MKLN1: variants seen among roughly 807,000 people sequenced by gnomAD.
MKLN1 encodes muskelin 1.
In MKLN1, 18 loss-of-function variants were observed where a neutral mutation model predicts 99.0. The observed-to-expected ratio is 0.18, with a 90% CI of 0.13 to 0.27. MKLN1 has a LOEUF of 0.27. Ranked by LOEUF, MKLN1 falls within the 10% of genes least tolerant of loss-of-function variation. The probability of loss-of-function intolerance (pLI) is 1.00; values close to 1 mark genes in which losing one functional copy is unlikely to be tolerated. For synonymous variants in MKLN1, 288 were observed against 293.2 expected (o/e 0.98, Z 0.18); for missense variants, 621 against 875.9 (o/e 0.71, Z 3.67).
intron 14 of MKLN1, among the ~76,000 whole-genome samples, chr7:131,465,459 A>G (rs1796631778): frequency 6.6e-6 from 1 of 152,192 alleles, no homozygotes; most frequent in Non-Finnish European, 1.5e-5. Flanking sequence ...TGAATTATGG[A>G]ATAATGTTTT....
chr7:131,307,594 T>C (rs1798486668), intron 3 of MKLN1, among the ~76,000 whole-genome samples: 2 of 152,030 alleles, frequency 1.3e-5, no homozygotes. Context: ...AGACATGGAG[T>C]CAAAGGAGAT....
At chr7:131,485,007 A>G (rs1233576554) in intron 17 of MKLN1, among the ~76,000 whole-genome samples, 1 of 152,106 alleles carries the variant, frequency 6.6e-6, no homozygotes, top group East Asian at 1.9e-4. Context: ...GCATATATGC[A>G]TAGGCCTAGA....
chr7:131,270,861 C>CTTT (rs59225684), intron 3 of MKLN1, among the ~76,000 whole-genome samples: 5 of 148,390 alleles, frequency 3.4e-5, no homozygotes, highest in African/African-American at 1.2e-4. Flanking sequence ...CTTGAATCAC[C>CTTT]TTTTTTTTTT....
intron 6 of MKLN1, among the ~76,000 whole-genome samples, chr7:131,407,893 T>G (rs572079782): frequency 6.6e-6 from 1 of 152,262 alleles, no homozygotes; most frequent in African/African-American, 2.4e-5. Context: ...GCTGTATTTC[T>G]CATTTTGTTC....
chr7:131,291,145 ATTTG>A (rs1798210514), intron 3 of MKLN1, among the ~76,000 whole-genome samples: 1 of 142,612 alleles, frequency 7.0e-6, no homozygotes, highest in African/African-American at 2.5e-5. Flanking sequence ...TTATTTATTT[ATTTG>A]AGACAGAGTC....
At chr7:131,365,053 C>A (rs1341504786) in intron 1 of MKLN1, among the ~76,000 whole-genome samples, 1 of 152,188 alleles carries the variant, frequency 6.6e-6, no homozygotes, top group African/African-American at 2.4e-5. Flanking sequence ...CTGCTTTCCA[C>A]AATGGTTGAA....
chr7:131,182,739 C>T (rs1397370824), intron 2 of MKLN1, among the ~76,000 whole-genome samples: 1 of 152,106 alleles, frequency 6.6e-6, no homozygotes, highest in Admixed American at 6.6e-5. Context: ...TTTTAATGTT[C>T]TTTTTCTCTG....
At chr7:131,272,847 C>T (rs993241619) in intron 3 of MKLN1, among the ~76,000 whole-genome samples, 1 of 152,188 alleles carries the variant, frequency 6.6e-6, no homozygotes, top group Non-Finnish European at 1.5e-5. Context: ...TCAATTACCC[C>T]TCCCCGGGTC....
chr7:131,154,257 G>A (rs1584795461), intron 2 of MKLN1, among the ~76,000 whole-genome samples: 1 of 151,810 alleles, frequency 6.6e-6, no homozygotes, highest in African/African-American at 2.4e-5. Flanking sequence ...AGACTTCTTA[G>A]AATTCACCTT....
intron 8 of MKLN1, among the ~76,000 whole-genome samples, chr7:131,416,347 A>C (rs1451096351): frequency 6.6e-6 from 1 of 152,182 alleles, no homozygotes; most frequent in Admixed American, 6.5e-5. Flanking sequence ...AAAGACAAAA[A>C]AATTTTCCTC....
chr7:131,257,328 CAT>C lies in MKLN1; in HGVS notation c.-179+54355_-179+54356del, dbSNP rs575577306. Among the ~76,000 whole-genome samples, 5 of 152,270 alleles carry C rather than the reference CAT, an allele frequency of 3.3e-5. No individual in the cohort carries two copies. In the South Asian group the frequency reaches 6.2e-4, roughly 19 times the overall value. On this transcript the variant is annotated intron_variant, in intron 3 of 7. Coordinates refer to the MKLN1 transcript ENST00000416992. ...CAATAAGACAAGTGTGATAAATTAA[CAT>C]GTGCAGAAATTAAATGACACATTCC...
At chr7:131,469,553 TA>T in intron 15 of MKLN1, among the ~76,000 whole-genome samples, 2 of 152,306 alleles carry the variant, frequency 1.3e-5, no homozygotes, top group Non-Finnish European at 2.9e-5. Context: ...CTGTCACTCT[TA>T]GGGTACTGCC....
chr7:131,121,673 C>A (rs1002105759), intron 1 of MKLN1, among the ~76,000 whole-genome samples: 1 of 127,078 alleles, frequency 7.9e-6, no homozygotes, highest in South Asian at 2.4e-4. Context: ...AAAAAATTAC[C>A]CAGCCTCAGA....
chr7:131,197,793 A>C (rs1358777491), intron 2 of MKLN1, among the ~76,000 whole-genome samples: 1 of 152,150 alleles, frequency 6.6e-6, no homozygotes, highest in Non-Finnish European at 1.5e-5. Context: ...AAGAAAAAAA[A>C]AGTATGAGTG....
At chr7:131,392,486 CTT>C (rs1186852915) in intron 4 of MKLN1, among the ~76,000 whole-genome samples, 2 of 152,008 alleles carry the variant, frequency 1.3e-5, no homozygotes, top group African/African-American at 4.8e-5. Flanking sequence ...TTATTGAACA[CTT>C]AGTATGTGCC....
intron 1 of MKLN1, among the ~76,000 whole-genome samples, chr7:131,141,570 CTACTTTTAG>C (rs1415532906): frequency 2.0e-5 from 3 of 152,170 alleles, no homozygotes; most frequent in African/African-American, 7.2e-5. Flanking sequence ...ACTCTCTAAA[CTACTTTTAG>C]TACTCACATA....
At chr7:131,117,060 T>C (rs1211851752) in intron 1 of MKLN1, among the ~76,000 whole-genome samples, 1 of 152,066 alleles carries the variant, frequency 6.6e-6, no homozygotes, top group East Asian at 1.9e-4. Flanking sequence ...TTCTAGGACC[T>C]TTTCTAGGAC....
chr7:131,204,243 G>A (rs1424773963), intron 3 of MKLN1, among the ~76,000 whole-genome samples: 1 of 152,154 alleles, frequency 6.6e-6, no homozygotes, highest in African/African-American at 2.4e-5. Context: ...TGGTCTACTT[G>A]GGGAATGAAT....
intron 1 of MKLN1, among the ~76,000 whole-genome samples, chr7:131,369,000 T>TCACACA (rs57537888): frequency 1.3e-5 from 2 of 149,662 alleles, no homozygotes; most frequent in Admixed American, 1.3e-4. Flanking sequence ...ATCTGTATAA[T>TCACACA]CACACACACA....
Sources: allele counts gnomAD v4.1 joint callset (sites outside exome capture counted in the v4.1 genomes callset), GRCh38; gene constraint gnomAD v4.1.1; transcripts MANE v1.5; gene names NCBI Gene and HGNC (gene_info 2026-07-23, HGNC 2026-07-21).